The following PPP2R2C variants were observed in gnomAD, a reference collection of about 807,000 sequenced individuals.
The protein encoded by PPP2R2C is protein phosphatase 2, regulatory subunit B, gamma.
A neutral mutation model predicts 45.3 loss-of-function variants in PPP2R2C; 10 were observed. The ratio of observed to expected loss-of-function variants is 0.22; its 90% CI spans 0.14 to 0.37. The LOEUF (loss-of-function observed/expected upper bound fraction) is 0.37, where lower values mean the gene tolerates loss of function less well. Ranked by LOEUF, PPP2R2C falls within the 10% of genes least tolerant of loss-of-function variation. The pLI is 1.00. For missense variants in PPP2R2C, 308 were observed against 619.7 expected (o/e 0.50, Z 5.34); for synonymous variants, 257 against 245.4 (o/e 1.05, Z -0.44).
At chr4:6,444,005 G>A (rs997231629) in intron 1 of PPP2R2C, among the ~76,000 whole-genome samples, 1 of 152,092 alleles carries the variant, frequency 6.6e-6, no homozygotes, top group African/African-American at 2.4e-5. Context: ...ACCCAACCAG[G>A]TCCAAACAAC....
At chr4:6,354,488 G>A (rs1469637163) in intron 5 of PPP2R2C, among the ~76,000 whole-genome samples, 2 of 151,862 alleles carry the variant, frequency 1.3e-5, no homozygotes, top group Non-Finnish European at 2.9e-5. Context: ...ATTCACCTCC[G>A]TGCCCCCACA....
Position 6,331,224 on chromosome 4 carries a change from C to A in PPP2R2C, c.961-1871G>T, listed in dbSNP as rs995198943. Among the ~76,000 whole-genome samples the A allele has an allele frequency of 3.3e-5, 5 of 152,180 alleles. No homozygotes were observed. Among genetic ancestry groups the A allele is most frequent in the Non-Finnish European group, 7.3e-5 (5 of 68,040 alleles). ...TCTGCCGTGCACTAAGCATCTCCTG[C>A]CCTCTAGTGGCAGGGTGAGGAAGAG... On this transcript the variant is annotated intron_variant, in intron 7 of 8. Transcript: ENST00000382599. This position sits in a 1 kb window ranked among gnomAD's most constrained non-coding sequence, Gnocchi z 5.9.
Position 6,545,576 on chromosome 4 carries a change from C to G in PPP2R2C, c.-58-10199G>C, listed in dbSNP as rs542503914. Among the ~76,000 whole-genome samples, 23 of 152,330 alleles carry G rather than the reference C, an allele frequency of 1.5e-4. No homozygotes were observed. In the South Asian group the frequency reaches 4.8e-3, roughly 32 times the overall value. On this transcript the variant is annotated intron_variant, in intron 1 of 9. Coordinates refer to the PPP2R2C transcript ENST00000506140. ...AGGCTCTGGGACAAGGTCAGGGGGC[C>G]TGGTTCCCATCCCAGCTCAGACATG...
chr4:6,413,774 C>A, intron 1 of PPP2R2C: 1 of 1,229,930 alleles, frequency 8.1e-7, no homozygotes, highest in Non-Finnish European at 1.1e-6. Context: ...GTCACTGAGA[C>A]TCTGAGAAGT....
chr4:6,424,892 C>T (rs1719199461), intron 1 of PPP2R2C, among the ~76,000 whole-genome samples: 1 of 152,204 alleles, frequency 6.6e-6, no homozygotes, highest in Admixed American at 6.5e-5. Context: ...GTTCAAATCC[C>T]AATGCCGCCA....
chr4:6,366,648 C>A (rs1714334654), intron 5 of PPP2R2C, among the ~76,000 whole-genome samples: 1 of 152,186 alleles, frequency 6.6e-6, no homozygotes, highest in African/African-American at 2.4e-5. Flanking sequence ...CAGAGGCTGT[C>A]CCAGATAATG....
chr4:6,366,696 C>T (rs1476875253), intron 5 of PPP2R2C, among the ~76,000 whole-genome samples: 2 of 152,194 alleles, frequency 1.3e-5, no homozygotes. Flanking sequence ...CAGGAGTCAG[C>T]CAGGCCAAAG....
chr4:6,395,014 C>T (rs1347605837), intron 1 of PPP2R2C, among the ~76,000 whole-genome samples: 2 of 152,308 alleles, frequency 1.3e-5, no homozygotes, highest in South Asian at 2.1e-4. Flanking sequence ...TCCCTGCCTC[C>T]GCCCTGGCCT....
intron 1 of PPP2R2C, chr4:6,383,327 G>A (rs897866285): frequency 1.9e-5 from 24 of 1,285,962 alleles, no homozygotes; most frequent in Middle Eastern, 2.1e-4. Context: ...CCACAGAATC[G>A]CAGATGCAAG....
chr4:6,414,022 T>C (rs1041600452), intron 1 of PPP2R2C: 104 of 1,530,424 alleles, frequency 6.8e-5, no homozygotes, highest in Non-Finnish European at 8.8e-5. Context: ...CAGATCTATG[T>C]GGCCCAAATC....
intron 2 of PPP2R2C, among the ~76,000 whole-genome samples, chr4:6,512,544 GAT>G: frequency 1.5e-5 from 2 of 130,796 alleles, no homozygotes; most frequent in Admixed American, 7.7e-5. Context: ...TGATGGTGGT[GAT>G]GGTGGTGATG....
At chr4:6,537,772 G>A (rs949811181) in intron 1 of PPP2R2C, among the ~76,000 whole-genome samples, 12 of 151,994 alleles carry the variant, frequency 7.9e-5, no homozygotes, top group Non-Finnish European at 1.5e-4. Flanking sequence ...GGATGGTCTC[G>A]GTCTCCTGAC....
chr4:6,436,109 G>A (rs1255441728), intron 1 of PPP2R2C, among the ~76,000 whole-genome samples: 2 of 152,188 alleles, frequency 1.3e-5, no homozygotes, highest in East Asian at 3.8e-4. Context: ...CACCATCTAT[G>A]AACAAGAAAA....
At chr4:6,550,669 G>A (rs1262491294) in intron 1 of PPP2R2C, among the ~76,000 whole-genome samples, 3 of 152,158 alleles carry the variant, frequency 2.0e-5, no homozygotes, top group Non-Finnish European at 4.4e-5. Flanking sequence ...AGTCTTGCTT[G>A]TTTGTTCCCC....
chr4:6,336,718 TCCCTCCCTCCTTCCC>T (rs1732922591), intron 6 of PPP2R2C, among the ~76,000 whole-genome samples: 1 of 37,912 alleles, frequency 2.6e-5, no homozygotes, highest in Admixed American at 2.6e-4. Flanking sequence ...CCTCCCTCCC[TCCCTCCCTCCTTCCC>T]TCCCTCCCTC....
At chr4:6,359,149 T>G (rs112664425) in intron 5 of PPP2R2C, among the ~76,000 whole-genome samples, 3,984 of 152,290 alleles carry the variant, frequency 0.026, 161 homozygotes, top group African/African-American at 0.091. Context: ...TATACACCAT[T>G]GAATACTATG....
At chr4:6,354,397 C>T (rs1222712395) in intron 5 of PPP2R2C, among the ~76,000 whole-genome samples, 1 of 152,154 alleles carries the variant, frequency 6.6e-6, no homozygotes, top group East Asian at 1.9e-4. Flanking sequence ...TACCCGTCTG[C>T]TCATCCTCAG....
chr4:6,509,993 T>C (rs1031506524), intron 2 of PPP2R2C, among the ~76,000 whole-genome samples: 2 of 152,176 alleles, frequency 1.3e-5, no homozygotes, highest in Non-Finnish European at 2.9e-5. Flanking sequence ...CAGGTGCTTC[T>C]AACGTCCTCT....
chr4:6,505,827 G>A (rs4689468), intron 2 of PPP2R2C, among the ~76,000 whole-genome samples: 44,350 of 151,848 alleles, frequency 0.29, 8,208 homozygotes, highest in East Asian at 0.74. Context: ...TTAGCTGGGC[G>A]TGGTGGTACA....
Sources: allele counts gnomAD v4.1 joint callset (sites outside exome capture counted in the v4.1 genomes callset), GRCh38; gene constraint gnomAD v4.1.1; non-coding constraint Gnocchi (gnomAD v3.1); transcripts MANE v1.5; gene names NCBI Gene and HGNC (gene_info 2026-07-23, HGNC 2026-07-21).